OAS2: variants seen among roughly 807,000 people sequenced by gnomAD.
The protein encoded by OAS2 is 2'-5'-oligoadenylate synthetase 2.
A neutral mutation model predicts 71.3 loss-of-function variants in OAS2; 67 were observed. The observed-to-expected ratio is 0.94, with a 90% CI of 0.77 to 1.15. OAS2 has a LOEUF of 1.15. Among genes scored for constraint, OAS2 ranks in the 50% most tolerant of loss-of-function variants. OAS2 has a pLI of 0.00. For synonymous variants in OAS2, 327 were observed against 321.8 expected (o/e 1.02, Z -0.17); for missense variants, 789 against 822.5 (o/e 0.96, Z 0.50).
chr12:112,993,699 C>CT (rs972477619), intron 2 of OAS2, among the ~76,000 whole-genome samples: 31 of 147,758 alleles, frequency 2.1e-4, no homozygotes, highest in South Asian at 6.5e-4. Context: ...GGGCAACAGG[C>CT]TTTTTTTTTT....
intron 8 of OAS2, 97 bp downstream of exon 8, chr12:113,006,697 T>C (rs1593207106): frequency 1.6e-5 from 17 of 1,066,028 alleles, no homozygotes; most frequent in East Asian, 2.4e-5. Context: ...TGCTGAGGGC[T>C]GAGCCACTTT....
chr12:113,000,684 TCATGCACA>T (rs1467631440), intron 5 of OAS2, among the ~76,000 whole-genome samples: 14 of 137,338 alleles, frequency 1.0e-4, no homozygotes, highest in African/African-American at 4.2e-4. Context: ...ACACATGCAC[TCATGCACA>T]CACATGCATG....
intron 2 of OAS2, chr12:112,988,546 A>G (rs1399765416): frequency 2.3e-6 from 2 of 886,154 alleles, no homozygotes; most frequent in African/African-American, 3.6e-5. Flanking sequence ...CTTTTAGGTT[A>G]TAGTTCACCA....
chr12:112,980,761 C>G (rs1565988083), intron 1 of OAS2, among the ~76,000 whole-genome samples: 1 of 152,078 alleles, frequency 6.6e-6, no homozygotes, highest in Non-Finnish European at 1.5e-5. Flanking sequence ...GATTGAATGG[C>G]AGTGCCATTT....
At position 113,009,128 on chromosome 12, in the gene OAS2, G is replaced by A. The variant is rs760356742; in HGVS notation, c.1937G>A (p.Gly646Asp). 7 of 1,614,028 alleles carry A rather than the reference G, an allele frequency of 4.3e-6. No homozygotes were observed. The highest frequency in any genetic ancestry group is 5.1e-6 in the Non-Finnish European group (6 of 1,180,012). Residue 646 changes from glycine (G) to aspartate (D), a missense_variant, in exon 10 of 10, where the codon GGT becomes GAT. By Grantham distance (94) the Gly-to-Asp change is moderately conservative (BLOSUM62 -1). Transcript: ENST00000392583. ...LDPAEPTGDV[G>D]GGDRWCWHLL... is the part of the protein sequence containing the mutation. ...CCAGCCGAACCCACAGGTGACGTGG[G>A]TGGAGGGGACCGTTGGTGTTGGCAT...
Position 113,007,924 on chromosome 12 carries a change from AG to A in OAS2, c.1877del (p.Ser626ThrfsTer9). On this transcript the variant is annotated frameshift_variant, in exon 9 of 10. Coordinates refer to ENST00000392583, the MANE Select transcript of OAS2 (RefSeq NM_002535.3). LOFTEE classifies it low-confidence loss of function (END_TRUNC). ...EDETVRKFLLSQLQKTRPVIL... is the reference protein window; with the variant it reads ...EDETVRKFLLXQLQKTRPVIL... Reference sequence around the variant, plus strand: ...TGAGACCGTGAGGAAGTTTCTACTGAGCCAGTTGCAGAAAACCAGGTGCCTT... The same window carrying A: ...TGAGACCGTGAGGAAGTTTCTACTGACCAGTTGCAGAAAACCAGGTGCCTT... 1.2e-6 allele frequency: 2 copies of A among 1,613,882 alleles called. No homozygotes were observed. The highest frequency in any genetic ancestry group is 1.7e-6 in the Non-Finnish European group (2 of 1,179,762).
At chr12:112,985,012 T>C (rs1355815650) in intron 1 of OAS2, among the ~76,000 whole-genome samples, 4 of 152,202 alleles carry the variant, frequency 2.6e-5, no homozygotes, top group African/African-American at 9.6e-5. Flanking sequence ...TGCTCAGAAA[T>C]CTGCTATTAG....
chr12:113,005,921 A>AACAACAAC (rs1565997495), intron 7 of OAS2, among the ~76,000 whole-genome samples: 3 of 21,790 alleles, frequency 1.4e-4, no homozygotes, highest in African/African-American at 2.5e-4. Flanking sequence ...ACAACAACAA[A>AACAACAAC]AAAAAAAAAA....
Position 112,978,764 on chromosome 12 carries a change from C to G in OAS2, c.156C>G (p.Pro52=). 2 of 1,613,816 alleles carry G rather than the reference C, an allele frequency of 1.2e-6. No homozygotes were observed. The highest frequency in any genetic ancestry group is 1.7e-6 in the Non-Finnish European group (2 of 1,179,860). Residue 52 remains proline, a synonymous_variant, in exon 1 of 10, where the codon CCC becomes CCG. Transcript: ENST00000392583. The surrounding 1 kb of genome is among the most constrained non-coding windows in gnomAD (Gnocchi z 4.2). ...CDVLQEPEQF[P]LVQGVAIGGS... The stretch of plus-strand genomic sequence containing the variant: ...TCCTGCAGGAACCCGAACAGTTCCC[C>G]CTGGTGCAGGGAGTGGCCATAGTGA...
rs551131236 is a variant in OAS2, at chr12:112,988,633, A to G, written c.448+1325A>G. ...GGCTAAACTTGATTTAACAGCACCA[A>G]TACCCCCTACCTTTAGTGAGCACAT... is the stretch of plus-strand genomic sequence containing the variant. On this transcript the variant is annotated intron_variant, in intron 2 of 9. Coordinates refer to ENST00000392583, the MANE Select transcript of OAS2 (RefSeq NM_002535.3). The G allele has an allele frequency of 2.2e-5, 22 of 985,452 alleles. No homozygotes were observed. In the East Asian group the frequency reaches 2.3e-3, roughly 102 times the overall value. The allele number at this position is 985,452 out of a possible 1,614,324, so 61.0% of individuals were successfully genotyped here. A position where few individuals can be genotyped will look rare whatever the true frequency, so the allele number is the denominator to read the frequency against.
chr12:113,004,979 G>A lies in OAS2; in HGVS notation c.1225G>A (p.Ala409Thr), dbSNP rs746428119. Residue 409 changes from alanine (A) to threonine (T), a missense_variant, in exon 7 of 10, where the codon GCC becomes ACC. Physicochemically the swap from Ala to Thr is moderately conservative, Grantham distance 58. Coordinates refer to ENST00000392583, the MANE Select transcript of OAS2 (RefSeq NM_002535.3). ...KGTALKTGSD[A>T]DLVVFHNSLK... is the part of the protein sequence containing the mutation. Reference sequence around the variant, plus strand: ...CACAGCTCTGAAGACTGGCTCTGATGCCGATCTCGTCGTGTTCCATAACTC... The same window carrying A: ...CACAGCTCTGAAGACTGGCTCTGATACCGATCTCGTCGTGTTCCATAACTC... 8.7e-6 allele frequency: 14 copies of A among 1,614,020 alleles called. No individual in the cohort carries two copies. In the East Asian group the frequency reaches 2.9e-4, roughly 33 times the overall value.
rs751216610 is a variant in OAS2, at chr12:113,004,952, G to A, written c.1198G>A (p.Gly400Ser). ...TCCTTAGGGAGGATCAACCGCCAAAGGCACAGCTCTGAAGACTGGCTCTGA... is the reference window on the plus strand; with the variant it reads ...TCCTTAGGGAGGATCAACCGCCAAAAGCACAGCTCTGAAGACTGGCTCTGA... Reference protein sequence around the residue: ...QIVRGGSTAKGTALKTGSDAD... With the variant: ...QIVRGGSTAKSTALKTGSDAD... Residue 400 changes from glycine (G) to serine (S), a missense_variant, in exon 7 of 10, where the codon GGC becomes AGC. Coordinates refer to ENST00000392583, the MANE Select transcript of OAS2 (RefSeq NM_002535.3). 6.2e-7 allele frequency: 1 copy of A among 1,614,060 alleles called. No homozygotes were observed. Among genetic ancestry groups the A allele is most frequent in the East Asian group, 2.2e-5 (1 of 44,864 alleles).
Position 113,009,979 on chromosome 12 carries a change from C to T in OAS2, c.*724C>T, listed in dbSNP as rs760958780. The T allele has an allele frequency of 1.0e-6, 1 of 981,994 alleles. No homozygotes were observed. 60.8% of individuals were successfully genotyped at this position (981,994 alleles called of 1,614,324 possible). A position where few individuals can be genotyped will look rare whatever the true frequency, so the allele number is the denominator to read the frequency against. On this transcript the variant is annotated 3_prime_UTR_variant, in exon 10 of 10. Transcript: ENST00000392583. Reference sequence around the variant, plus strand: ...ATTTCTCAACTTTGATACTTACTCACATTTGGGGCTAGACAGTTCTTTGTT... The same window carrying T: ...ATTTCTCAACTTTGATACTTACTCATATTTGGGGCTAGACAGTTCTTTGTT...
chr12:113,000,537 C>T (rs1654076256), intron 5 of OAS2, among the ~76,000 whole-genome samples: 1 of 145,508 alleles, frequency 6.9e-6, no homozygotes, highest in Admixed American at 6.8e-5. Flanking sequence ...CACACTCACA[C>T]ATGCACACAC....
intron 7 of OAS2, among the ~76,000 whole-genome samples, chr12:113,006,193 A>G (rs543406175): frequency 6.6e-6 from 1 of 152,296 alleles, no homozygotes; most frequent in South Asian, 2.1e-4. Flanking sequence ...AAGTCTAGAT[A>G]ATACTTTAAT....
rs777699318 is a variant in OAS2, at chr12:113,007,951, C to A, written c.1895+8C>A. On this transcript the variant is annotated splice_region_variant and intron_variant, in intron 9 of 9. Transcript: ENST00000392583. ...CCAGTTGCAGAAAACCAGGTGCCTT[C>A]ACCCTAGCCCCGTACTTTTCTTAAC... is the stretch of plus-strand genomic sequence containing the variant. 1.4e-5 allele frequency: 23 copies of A among 1,592,634 alleles called. No homozygotes were observed. The highest frequency in any genetic ancestry group is 1.9e-5 in the Non-Finnish European group (22 of 1,160,650).
At chr12:112,993,668 C>A (rs1465995971) in intron 2 of OAS2, among the ~76,000 whole-genome samples, 3 of 152,026 alleles carry the variant, frequency 2.0e-5, no homozygotes, top group Admixed American at 6.6e-5. Flanking sequence ...TCACTTGAGG[C>A]CAGGAGTTCA....
intron 2 of OAS2, chr12:112,988,088 A>G (rs2044156950): frequency 1.0e-6 from 1 of 985,294 alleles, no homozygotes; most frequent in Admixed American, 6.2e-5. Flanking sequence ...CACCAATTAT[A>G]ATTGCAGAAT....
intron 5 of OAS2, among the ~76,000 whole-genome samples, chr12:112,999,406 G>T (rs1451589524): frequency 3.3e-5 from 5 of 152,186 alleles, no homozygotes; most frequent in African/African-American, 1.2e-4. Flanking sequence ...ATTAATTGAG[G>T]CCAAAGAGGC....
Sources: gnomAD v4.1 joint callset for allele counts (sites outside exome capture counted in the v4.1 genomes callset) on GRCh38, gnomAD v4.1.1 for gene constraint, Gnocchi (gnomAD v3.1) non-coding constraint, MANE v1.5 for transcripts, NCBI Gene and HGNC (gene_info 2026-07-23, HGNC 2026-07-21) for gene names.